The following CHD9 variants were observed in gnomAD, a reference collection of about 807,000 sequenced individuals.
The protein encoded by CHD9 is ATP-dependent chromatin remodeler CHD9.
In CHD9, 77 loss-of-function variants were observed where a neutral mutation model predicts 316.1. The observed-to-expected ratio is 0.24, with a 90% confidence interval of 0.20 to 0.29. The LOEUF is 0.29. CHD9 is among the 10% of genes least tolerant of loss of function. The probability of loss-of-function intolerance (pLI) is 1.00; values close to 1 mark genes in which losing one functional copy is unlikely to be tolerated. For synonymous variants in CHD9, 1,129 were observed against 1,158.3 expected (o/e 0.97, Z 0.51); for missense variants, 2,763 against 3,438.1 (o/e 0.80, Z 4.91).
chr16:53,289,776 C>T (rs1035936783), intron 27 of CHD9, among the ~76,000 whole-genome samples: 2 of 152,138 alleles, frequency 1.3e-5, no homozygotes, highest in South Asian at 4.1e-4. Flanking sequence ...AAGATCCAGA[C>T]TTTGGTAGGA....
intron 2 of CHD9, among the ~76,000 whole-genome samples, chr16:53,158,488 T>C (rs1312665360): frequency 6.6e-6 from 1 of 152,202 alleles, no homozygotes; most frequent in African/African-American, 2.4e-5. Flanking sequence ...TACTTAGTAG[T>C]TGGGTGACTT....
intron 1 of CHD9, among the ~76,000 whole-genome samples, chr16:53,071,091 C>T (rs1308713615): frequency 2.0e-5 from 3 of 152,194 alleles, no homozygotes; most frequent in Non-Finnish European, 2.9e-5. Context: ...GTAGCACTGA[C>T]ATCTCAATAT....
chr16:53,202,904 G>C (rs1439053416), intron 2 of CHD9, among the ~76,000 whole-genome samples: 1 of 152,094 alleles, frequency 6.6e-6, no homozygotes, highest in African/African-American at 2.4e-5. Context: ...TGAAATAATT[G>C]TTCCACTTCC....
At chr16:53,285,745 C>A in intron 25 of CHD9, 46 bp downstream of exon 25, 3 of 942,482 alleles carry the variant, frequency 3.2e-6, no homozygotes, top group South Asian at 1.5e-5. Flanking sequence ...ATGTATAAGG[C>A]AGTTCTGTCA....
At chr16:53,202,051 T>G (rs1485582625) in intron 2 of CHD9, among the ~76,000 whole-genome samples, 1 of 151,918 alleles carries the variant, frequency 6.6e-6, no homozygotes, top group Non-Finnish European at 1.5e-5. Flanking sequence ...TTTAAGAGAT[T>G]GTGTCTTGCT....
chr16:53,298,152 A>T (rs1237536782), intron 30 of CHD9: 2 of 152,292 alleles, frequency 1.3e-5, no homozygotes, highest in Non-Finnish European at 2.9e-5. Context: ...GTGAGTAAGG[A>T]TATTGGAGGC....
intron 1 of CHD9, among the ~76,000 whole-genome samples, chr16:53,123,264 G>C (rs150920158): frequency 6.6e-6 from 1 of 151,210 alleles, no homozygotes; most frequent in East Asian, 1.9e-4. Flanking sequence ...AGTTGTGCAA[G>C]TATCTCCACA....
At chr16:53,096,322 A>T (rs538050799) in intron 1 of CHD9, among the ~76,000 whole-genome samples, 1 of 152,160 alleles carries the variant, frequency 6.6e-6, no homozygotes, top group Non-Finnish European at 1.5e-5. Context: ...AATACCCAAC[A>T]CAATGCCGGG....
chr16:53,081,314 G>C (rs145526597), intron 1 of CHD9, among the ~76,000 whole-genome samples: 2 of 152,304 alleles, frequency 1.3e-5, no homozygotes, highest in East Asian at 3.9e-4. Flanking sequence ...TTGTCTTAAA[G>C]ATACATTTGC....
intron 29 of CHD9, 33 bp downstream of exon 29, chr16:53,293,085 GTCTAAATGTAGCTGTTCAT>G (rs765377199): frequency 2.0e-6 from 3 of 1,519,350 alleles, no homozygotes; most frequent in Non-Finnish European, 2.7e-6. Context: ...TTAATGTATT[GTCTAAATGTAGCTGTTCAT>G]TCTAAAGCCT....
At chr16:53,107,660 C>A (rs555380938) in intron 1 of CHD9, among the ~76,000 whole-genome samples, 3 of 151,184 alleles carry the variant, frequency 2.0e-5, no homozygotes, top group African/African-American at 7.3e-5. Context: ...GCAGCCTGGA[C>A]GACACAGCGA....
At chr16:53,072,704 AT>A (rs540906966) in intron 1 of CHD9, among the ~76,000 whole-genome samples, 9 of 147,828 alleles carry the variant, frequency 6.1e-5, no homozygotes, top group Non-Finnish European at 1.0e-4. Context: ...TATTTTTTTT[AT>A]TTTTTTTTGA....
chr16:53,283,656 G>A (rs927011262), intron 24 of CHD9, among the ~76,000 whole-genome samples: 9 of 151,742 alleles, frequency 5.9e-5, no homozygotes, highest in South Asian at 2.1e-4. Flanking sequence ...TTAATAACTC[G>A]TTCAAAAATA....
At chr16:53,106,684 C>T (rs541793734) in intron 1 of CHD9, among the ~76,000 whole-genome samples, 9 of 150,304 alleles carry the variant, frequency 6.0e-5, no homozygotes, top group Non-Finnish European at 1.2e-4. Context: ...ACACACAGCG[C>T]GATGTGCATA....
In CHD9 at chr16:53,314,481, ATCT is replaced by A. The variant is rs1355410237; in HGVS notation, c.7332_7334del (p.Phe2446del). ...GAGGAAGAATGTAGAAGGTGTTGAC[ATCT>A]TCTTTTTTAACAGAAATAAACCACC... On this transcript the variant is annotated inframe_deletion, in exon 35 of 39. Coordinates refer to ENST00000447540, the MANE Select transcript of CHD9 (RefSeq NM_001308319.2). The A allele has an allele frequency of 3.8e-6, 6 of 1,580,698 alleles. No homozygotes were observed. Among genetic ancestry groups the A allele is most frequent in the Admixed American group, 3.6e-5 (2 of 55,094 alleles).
chr16:53,219,497 C>T (rs909696056), intron 3 of CHD9, among the ~76,000 whole-genome samples: 2 of 152,156 alleles, frequency 1.3e-5, no homozygotes, highest in Admixed American at 6.5e-5. Flanking sequence ...GGAAAACTAA[C>T]ATTCAAGGCG....
chr16:53,156,375 C>G lies in CHD9; in HGVS notation c.286C>G (p.Pro96Ala). The change falls in exon 2 of 39, where the codon CCA becomes GCA. Residue 96 changes from proline (P) to alanine (A), a missense_variant. By Grantham distance (27) the Pro-to-Ala change is conservative. Transcript: ENST00000447540. ...TAGCCCAGCTGAACATGTGTTATCT[C>G]CACACTCTCAGTTTAATTGTTCTCC... Reference protein sequence around the residue: ...FGSPAEHVLSPHSQFNCSPIH... With the variant: ...FGSPAEHVLSAHSQFNCSPIH... The G allele has an allele frequency of 1.2e-6, 2 of 1,613,950 alleles. No homozygotes were observed. The highest frequency in any genetic ancestry group is 1.7e-6 in the Non-Finnish European group (2 of 1,179,836).
intron 3 of CHD9, among the ~76,000 whole-genome samples, chr16:53,221,800 T>C (rs149503600): frequency 5.1e-4 from 78 of 152,250 alleles, no homozygotes; most frequent in East Asian, 2.1e-3. Context: ...CAACAAATTG[T>C]TAAAGTGCCT....
chr16:53,236,023 T>C (rs1391209032), intron 11 of CHD9, among the ~76,000 whole-genome samples: 2 of 152,202 alleles, frequency 1.3e-5, no homozygotes, highest in African/African-American at 4.8e-5. Context: ...TGAATTGTTA[T>C]GCTTAGTGAT....
Sources: gnomAD v4.1 joint callset for allele counts (sites outside exome capture counted in the v4.1 genomes callset) on GRCh38, gnomAD v4.1.1 for gene constraint, MANE v1.5 for transcripts, NCBI Gene and HGNC (gene_info 2026-07-23, HGNC 2026-07-21) for gene names.